CHN2: variants seen among roughly 807,000 people sequenced by gnomAD.
The protein encoded by CHN2 is chimerin 2, also known as beta-chimaerin.
A neutral mutation model predicts 56.3 loss-of-function variants in CHN2; 35 were observed. The observed-to-expected ratio is 0.62, with a 90% confidence interval of 0.47 to 0.82. The LOEUF is 0.82. Among genes scored for constraint, CHN2 ranks in the 40% least tolerant of loss-of-function variants. The pLI is 0.00. For missense variants in CHN2, 491 were observed against 580.5 expected, an observed-to-expected ratio of 0.85 and a Z score of 1.58; for synonymous variants, 210 against 212.8, an observed-to-expected ratio of 0.99 and a Z score of 0.12.
chr7:29,375,805 G>T (rs1051364042), intron 3 of CHN2, among the ~76,000 whole-genome samples: 2 of 152,138 alleles, frequency 1.3e-5, no homozygotes, highest in South Asian at 4.2e-4. Context: ...CACCTCCATA[G>T]GAGTTGCTAC....
intron 1 of CHN2, among the ~76,000 whole-genome samples, chr7:29,270,383 G>A (rs1307609124): frequency 1.3e-5 from 2 of 151,402 alleles, no homozygotes; most frequent in Non-Finnish European, 2.9e-5. Context: ...GTCGAACGCA[G>A]TGGCTCACAC....
chr7:29,261,413 G>T (rs969753632), intron 1 of CHN2, among the ~76,000 whole-genome samples: 1 of 152,120 alleles, frequency 6.6e-6, no homozygotes, highest in Non-Finnish European at 1.5e-5. Flanking sequence ...CTGCTAGGAC[G>T]CTGGGATTTC....
At chr7:29,240,233 C>T (rs1420904742) in intron 1 of CHN2, among the ~76,000 whole-genome samples, 1 of 152,186 alleles carries the variant, frequency 6.6e-6, no homozygotes, top group Non-Finnish European at 1.5e-5. Flanking sequence ...CCCCCAAGGA[C>T]CTGCTTATCT....
intron 2 of CHN2, among the ~76,000 whole-genome samples, chr7:29,177,452 C>G (rs562902115): frequency 6.6e-6 from 1 of 152,068 alleles, no homozygotes; most frequent in Admixed American, 6.5e-5. Context: ...TGGGGTTTCA[C>G]CATGTTGGCC....
chr7:29,193,931 T>A (rs1783225186), upstream of CHN2: 1 of 152,278 alleles, frequency 6.6e-6, no homozygotes, highest in Non-Finnish European at 1.5e-5. Context: ...GCTGGGTTAC[T>A]TAAGTGTAGC....
chr7:29,349,472 G>A (rs1479158092), intron 1 of CHN2, among the ~76,000 whole-genome samples: 2 of 152,062 alleles, frequency 1.3e-5, no homozygotes, highest in African/African-American at 2.4e-5. Context: ...ATCTAGTTCC[G>A]GAGGCTATGC....
intron 12 of CHN2, 24 bp from the exon 13 acceptor site, chr7:29,512,540 C>CTGTTCT (rs1280790618): frequency 1.3e-6 from 2 of 1,589,498 alleles, no homozygotes; most frequent in African/African-American, 2.7e-5. Context: ...CATAATGTCT[C>CTGTTCT]TGTTCTATAT....
chr7:29,339,136 C>T (rs1796842121), intron 1 of CHN2, among the ~76,000 whole-genome samples: 9 of 152,090 alleles, frequency 5.9e-5, no homozygotes, highest in Admixed American at 5.9e-4. Context: ...AGTTTTGGAC[C>T]TTTGTAGTGG....
intron 6 of CHN2, among the ~76,000 whole-genome samples, chr7:29,413,423 C>T (rs1803431264): frequency 6.6e-6 from 1 of 152,186 alleles, no homozygotes; most frequent in African/African-American, 2.4e-5. Flanking sequence ...TACCACAGTA[C>T]ATATAAATTC....
Position 29,323,723 on chromosome 7 carries a change from C to T in CHN2, c.50-30902C>T, listed in dbSNP as rs916044435. Among the ~76,000 whole-genome samples the T allele has an allele frequency of 8.5e-5, 13 of 152,050 alleles. No homozygotes were observed. The East Asian group carries it at 9.7e-4, about 11-fold the overall frequency. On this transcript the variant is annotated intron_variant, in intron 1 of 12. Transcript: ENST00000222792. ...TAAATTATAGGGGGTTGAGGCTGGG[C>T]GCGGTGGCTCACACCTGTAATTCCA...
intron 3 of CHN2, among the ~76,000 whole-genome samples, chr7:29,389,772 G>A (rs78204035): frequency 0.022 from 3,348 of 152,032 alleles, 123 homozygotes; most frequent in African/African-American, 0.077. Context: ...AGAATCAGCC[G>A]GCCAGGCACG....
At position 29,507,256 on chromosome 7, in the gene CHN2, T is replaced by A; in HGVS notation, c.1020T>A (p.Asn340Lys). The change falls in exon 11 of 13, where the codon AAT becomes AAA. Residue 340 changes from asparagine (N) to lysine (K), a missense_variant. Coordinates refer to ENST00000222792, the MANE Select transcript of CHN2 (RefSeq NM_004067.4). ...GTGAAAAGGCCGATATATCTGCCAATGTCTATCCAGACATAAACATCATCA... is the reference window on the plus strand; with the variant it reads ...GTGAAAAGGCCGATATATCTGCCAAAGTCTATCCAGACATAAACATCATCA... ...RDGEKADISA[N>K]VYPDINIITG... The A allele has an allele frequency of 6.2e-7, 1 of 1,611,576 alleles. No individual in the cohort carries two copies. Among genetic ancestry groups the A allele is most frequent in the African/African-American group, 1.3e-5 (1 of 74,850 alleles).
chr7:29,308,462 GGTGTGTGTGT>G (rs10609046), intron 1 of CHN2, among the ~76,000 whole-genome samples: 5 of 151,190 alleles, frequency 3.3e-5, no homozygotes, highest in African/African-American at 1.2e-4. Flanking sequence ...AGGTGGTTGG[GGTGTGTGTGT>G]GTGTGTGTGT....
intron 2 of CHN2, among the ~76,000 whole-genome samples, chr7:29,356,985 A>G (rs560091810): frequency 7.2e-5 from 11 of 152,320 alleles, no homozygotes; most frequent in African/African-American, 2.6e-4. Flanking sequence ...CACCACCGAA[A>G]GCTTTGCTGA....
Position 29,398,448 on chromosome 7 carries a change from A to C in CHN2, c.252A>C (p.Glu84Asp), listed in dbSNP as rs1488205047. 5 of 1,613,596 alleles carry C rather than the reference A, an allele frequency of 3.1e-6. No homozygotes were observed. Among genetic ancestry groups the C allele is most frequent in the Non-Finnish European group, 3.4e-6 (4 of 1,179,956 alleles). ...TGGAGGGTGCCTACATCCTTAGAGA[A>C]AGCCAGCGGCAACCAGGATGCTACA... ...GGVEGAYILR[E>D]SQRQPGCYTL... is the part of the protein sequence containing the mutation. Residue 84 changes from glutamate to aspartate, a missense_variant, in exon 5 of 13, where the codon GAA becomes GAC. By Grantham distance (45) the Glu-to-Asp change is conservative. Transcript: ENST00000222792.
intron 2 of CHN2, chr7:29,148,385 A>G (rs1793074421): frequency 1.3e-5 from 2 of 152,246 alleles, no homozygotes; most frequent in African/African-American, 4.8e-5. Context: ...CTGCAGTTTT[A>G]GTAACCTCAA....
At chr7:29,177,887 C>T (rs1797568336) in intron 2 of CHN2, among the ~76,000 whole-genome samples, 1 of 152,160 alleles carries the variant, frequency 6.6e-6, no homozygotes, top group Non-Finnish European at 1.5e-5. Flanking sequence ...TTAGACATTT[C>T]ATAGGTGCCT....
At chr7:29,507,819 ATAAAT>A (rs1790766329) in intron 11 of CHN2, among the ~76,000 whole-genome samples, 4 of 152,336 alleles carry the variant, frequency 2.6e-5, no homozygotes, top group African/African-American at 9.6e-5. Context: ...AATTTTTAAA[ATAAAT>A]TATTTTAAAA....
At chr7:29,231,244 A>G (rs1031706153) in intron 1 of CHN2, among the ~76,000 whole-genome samples, 1 of 152,160 alleles carries the variant, frequency 6.6e-6, no homozygotes. Flanking sequence ...TACTTGGTCC[A>G]CTGTTTAAAT....
Sources: allele counts gnomAD v4.1 joint callset (sites outside exome capture counted in the v4.1 genomes callset), GRCh38; gene constraint gnomAD v4.1.1; transcripts MANE v1.5; gene names NCBI Gene and HGNC (gene_info 2026-07-23, HGNC 2026-07-21).